Variants in PCSK1 observed in about 807,000 individuals in gnomAD.
PCSK1 encodes proprotein convertase subtilisin/kexin type 1.
In PCSK1, 56 loss-of-function variants were observed where a neutral mutation model predicts 90.6. The observed-to-expected ratio is 0.62, with a 90% confidence interval of 0.50 to 0.77. The LOEUF (loss-of-function observed/expected upper bound fraction) is 0.77, where lower values mean the gene tolerates loss of function less well. Among genes scored for constraint, PCSK1 ranks in the 30% least tolerant of loss-of-function variants. PCSK1 has a pLI of 0.00. For synonymous variants in PCSK1, 348 were observed against 342.4 expected, an observed-to-expected ratio of 1.02 and a Z score of -0.18; for missense variants, 801 against 932.6, an observed-to-expected ratio of 0.86 and a Z score of 1.84.
At chr5:96,414,137 TAA>T (rs564573961) in intron 6 of PCSK1, among the ~76,000 whole-genome samples, 21 of 124,678 alleles carry the variant, frequency 1.7e-4, no homozygotes, top group Non-Finnish European at 1.0e-4. Flanking sequence ...AGACTCTGTC[TAA>T]AAAAAAAAAA....
intron 8 of PCSK1, 24 bp downstream of exon 8, chr5:96,410,750 G>A: frequency 2.5e-6 from 4 of 1,584,752 alleles, no homozygotes; most frequent in Non-Finnish European, 3.5e-6. Flanking sequence ...ACTAAGCAGA[G>A]AGAATTAGAC....
chr5:96,416,165 A>C, intron 5 of PCSK1, 44 bp from the exon 6 acceptor site: 1 of 1,355,146 alleles, frequency 7.4e-7, no homozygotes, highest in Non-Finnish European at 1.1e-6. Flanking sequence ...CAGAAGAACA[A>C]ACATTTGTTT....
At chr5:96,402,242 G>T (rs887531946) in intron 9 of PCSK1, among the ~76,000 whole-genome samples, 1 of 152,142 alleles carries the variant, frequency 6.6e-6, no homozygotes, top group Admixed American at 6.6e-5. Context: ...GACCATAGGC[G>T]ATTTCAAAGG....
rs775421741 is a variant in PCSK1 at position 96,394,942 on chromosome 5, C to T, written c.1806G>A (p.Lys602=). 6.2e-7 allele frequency: 1 copy of T among 1,614,066 alleles called. No individual in the cohort carries two copies. Among genetic ancestry groups the T allele is most frequent in the South Asian group, 1.1e-5 (1 of 91,086 alleles). Residue 602 remains lysine (K), a synonymous_variant, in exon 13 of 14, where the codon AAG becomes AAA. Coordinates refer to ENST00000311106, the MANE Select transcript of PCSK1 (RefSeq NM_000439.5). ...HGTSSQPEHM[K]QPRVYTSYNT... Reference sequence around the variant, plus strand: ...TGTAGGACGTGTACACACGAGGCTGCTTCATATGCTCTGGCTGAGAAGAGG... The same window carrying T: ...TGTAGGACGTGTACACACGAGGCTGTTTCATATGCTCTGGCTGAGAAGAGG...
intron 5 of PCSK1, among the ~76,000 whole-genome samples, chr5:96,416,981 A>G (rs1760956464): frequency 6.6e-6 from 1 of 152,154 alleles, no homozygotes; most frequent in Admixed American, 6.5e-5. Context: ...GAATTCATTT[A>G]TTTCGTGATT....
At chr5:96,403,271 T>C (rs906353597) in intron 9 of PCSK1, among the ~76,000 whole-genome samples, 2 of 152,208 alleles carry the variant, frequency 1.3e-5, no homozygotes, top group Non-Finnish European at 2.9e-5. Context: ...TTTCTTTTTT[T>C]ATTATTATTA....
Position 96,400,142 on chromosome 5 carries a change from G to C in PCSK1, c.1241C>G (p.Thr414Ser). The change falls in exon 10 of 14, where the codon ACC becomes AGC. Residue 414 changes from threonine (T) to serine (S), a missense_variant. Thr to Ser is a moderately conservative substitution (Grantham distance 58). Coordinates refer to ENST00000311106, the MANE Select transcript of PCSK1 (RefSeq NM_000439.5). ...WRDMQHLVVW[T>S]SEYDPLANNP... The stretch of plus-strand genomic sequence containing the variant: ...ATTGGCCAGCGGGTCATACTCAGAG[G>C]TCCAGACAACCAGGTGCTGCATATC... 1 of 1,614,168 alleles carries C rather than the reference G, an allele frequency of 6.2e-7. No individual in the cohort carries two copies. The highest frequency in any genetic ancestry group is 8.5e-7 in the Non-Finnish European group (1 of 1,180,014).
intron 6 of PCSK1, among the ~76,000 whole-genome samples, chr5:96,413,963 CAAA>C (rs61316405): frequency 0.06 from 1,334 of 22,396 alleles, 39 homozygotes; most frequent in African/African-American, 0.12. Flanking sequence ...ACTAAAAATA[CAAA>C]AAAAAAAAAA....
At chr5:96,421,607 ATTCT>A (rs1363874058) in intron 5 of PCSK1, among the ~76,000 whole-genome samples, 1 of 152,222 alleles carries the variant, frequency 6.6e-6, no homozygotes, top group Non-Finnish European at 1.5e-5. Flanking sequence ...TGTCTCAAAC[ATTCT>A]TTCTAAAGCT....
intron 2 of PCSK1, among the ~76,000 whole-genome samples, chr5:96,426,505 G>T (rs1013250922): frequency 1.3e-5 from 2 of 152,146 alleles, no homozygotes; most frequent in Admixed American, 1.3e-4. Flanking sequence ...CCTGGGTGAT[G>T]AATGAGCACT....
In PCSK1 at chr5:96,423,411, T is replaced by A; in HGVS notation, c.445A>T (p.Ile149Leu). ...GTAATGCCTTTTTGCCAAACAGGTATCACATGAAGGTCCAGCTTGGGCAGG... is the reference window on the plus strand; with the variant it reads ...GTAATGCCTTTTTGCCAAACAGGTAACACATGAAGGTCCAGCTTGGGCAGG... ...AALPKLDLHVIPVWQKGITGK... is the reference protein window; with the variant it reads ...AALPKLDLHVLPVWQKGITGK... The change falls in exon 4 of 14, where the codon ATA becomes TTA. Residue 149 changes from isoleucine to leucine, a missense_variant. Physicochemically the swap from Ile to Leu is conservative, Grantham distance 5. Coordinates refer to ENST00000311106, the MANE Select transcript of PCSK1 (RefSeq NM_000439.5). 3.7e-6 allele frequency: 6 copies of A among 1,614,034 alleles called. No individual in the cohort carries two copies. Among genetic ancestry groups the A allele is most frequent in the Non-Finnish European group, 5.1e-6 (6 of 1,179,892 alleles).
rs1761560626 is a variant in PCSK1 at position 96,433,098 on chromosome 5, T to C, written c.-56A>G. Reference sequence around the variant, plus strand: ...AAGGGAAGAGGAAAAAGAAGCAAGATAGGAGAAAAGCCAGACAGACTCCCC... The same window carrying C: ...AAGGGAAGAGGAAAAAGAAGCAAGACAGGAGAAAAGCCAGACAGACTCCCC... On this transcript the variant is annotated 5_prime_UTR_variant, in exon 1 of 14. Coordinates refer to ENST00000311106, the MANE Select transcript of PCSK1 (RefSeq NM_000439.5). The C allele has an allele frequency of 1.3e-6, 2 of 1,550,100 alleles. No homozygotes were observed. Among genetic ancestry groups the C allele is most frequent in the South Asian group, 1.1e-5 (1 of 89,762 alleles).
intron 5 of PCSK1, among the ~76,000 whole-genome samples, chr5:96,419,973 C>T (rs1431040666): frequency 1.3e-5 from 2 of 152,102 alleles, no homozygotes; most frequent in Admixed American, 1.3e-4. Flanking sequence ...TGGGGCCAGA[C>T]CCAGGATCTG....
At chr5:96,403,791 T>C (rs1197568611) in intron 9 of PCSK1, among the ~76,000 whole-genome samples, 2 of 152,234 alleles carry the variant, frequency 1.3e-5, no homozygotes, top group African/African-American at 4.8e-5. Context: ...TTTTCTAACT[T>C]GGACTTTCTA....
intron 5 of PCSK1, among the ~76,000 whole-genome samples, chr5:96,419,667 C>T (rs1237670711): frequency 6.6e-6 from 1 of 151,870 alleles, no homozygotes; most frequent in Non-Finnish European, 1.5e-5. Flanking sequence ...AGATTCACAG[C>T]AGGCTATGAT....
chr5:96,401,282 G>C (rs1013850424), intron 9 of PCSK1, among the ~76,000 whole-genome samples: 2 of 152,084 alleles, frequency 1.3e-5, no homozygotes, highest in Admixed American at 6.5e-5. Context: ...ACTTTGACAG[G>C]GGGTAGAGTG....
At chr5:96,429,134 T>A in intron 2 of PCSK1, 79 bp downstream of exon 2, 2 of 779,376 alleles carry the variant, frequency 2.6e-6, no homozygotes, top group Non-Finnish European at 2.2e-6. Context: ...ATTTGCAAAA[T>A]GCTTCTGTTT....
In PCSK1 at chr5:96,397,533, T is replaced by C. The variant is rs1428447332; in HGVS notation, c.1589-64A>G. The C allele has an allele frequency of 2.1e-6, 3 of 1,422,914 alleles. No homozygotes were observed. In the African/African-American group the frequency reaches 4.2e-5, roughly 20 times the overall value. 88.1% of individuals were successfully genotyped at this position (1,422,914 alleles called of 1,614,324 possible). ...TCTGATAGTAGGATACACTCTAGCA[T>C]CTGATAACTGAAAATAAAAGCTGAA... On this transcript the variant is annotated intron_variant, in intron 11 of 13. Transcript: ENST00000311106.
intron 7 of PCSK1, 137 bp from the exon 8 acceptor site, chr5:96,411,123 T>G: frequency 1.3e-6 from 1 of 743,438 alleles, no homozygotes; most frequent in Non-Finnish European, 2.4e-6. Context: ...ATTCCAGATC[T>G]TTTGGCTTCG....
Sources: allele counts gnomAD v4.1 joint callset (sites outside exome capture counted in the v4.1 genomes callset), GRCh38; gene constraint gnomAD v4.1.1; transcripts MANE v1.5; gene names NCBI Gene and HGNC (gene_info 2026-07-23, HGNC 2026-07-21).